The following GPC5 variants were observed in gnomAD, a reference collection of about 807,000 sequenced individuals.
GPC5 encodes glypican 5.
Under a neutral mutation model 53.9 loss-of-function variants are expected in GPC5, and 47 were observed. The observed-to-expected ratio is 0.87, with a 90% confidence interval of 0.69 to 1.11. The LOEUF (loss-of-function observed/expected upper bound fraction) is 1.11, where lower values mean the gene tolerates loss of function less well. GPC5 is among the 50% of genes most tolerant of loss of function. The pLI, the probability that GPC5 is intolerant of heterozygous loss-of-function variation, is 0.00. For synonymous variants in GPC5, 286 were observed against 263.3 expected (o/e 1.09, Z -0.84); for missense variants, 748 against 713.1 (o/e 1.05, Z -0.56).
intron 5 of GPC5, among the ~76,000 whole-genome samples, chr13:91,903,364 A>G (rs1178140487): frequency 2.0e-5 from 3 of 152,032 alleles, no homozygotes; most frequent in Non-Finnish European, 4.4e-5. Flanking sequence ...GCATTCATGT[A>G]TCTGTCTTTT....
At chr13:92,767,633 C>A (rs1876452643) in intron 7 of GPC5, among the ~76,000 whole-genome samples, 1 of 152,184 alleles carries the variant, frequency 6.6e-6, no homozygotes, top group African/African-American at 2.4e-5. Context: ...AACTTCACCT[C>A]CTGCAGTCTC....
intron 7 of GPC5, among the ~76,000 whole-genome samples, chr13:92,156,497 T>C (rs1177771346): frequency 6.6e-6 from 1 of 151,952 alleles, no homozygotes; most frequent in African/African-American, 2.4e-5. Flanking sequence ...AGTGTGTAGA[T>C]TGACCATTGG....
At chr13:92,646,929 C>CGTGTGTGT (rs372426651) in intron 7 of GPC5, among the ~76,000 whole-genome samples, 4,972 of 134,958 alleles carry the variant, frequency 0.037, 131 homozygotes, top group South Asian at 0.063. Flanking sequence ...TATATATAAA[C>CGTGTGTGT]ATGTGTGTGT....
intron 1 of GPC5, among the ~76,000 whole-genome samples, chr13:91,434,243 C>T (rs532417058): frequency 1.1e-3 from 168 of 152,192 alleles, no homozygotes; most frequent in African/African-American, 3.8e-3. Flanking sequence ...TTGTTGCCAA[C>T]GCTTTTGGTG....
chr13:92,515,393 T>C (rs1475343421), intron 7 of GPC5, among the ~76,000 whole-genome samples: 1 of 152,186 alleles, frequency 6.6e-6, no homozygotes, highest in Non-Finnish European at 1.5e-5. Flanking sequence ...TTAATGTGTT[T>C]CTTTCATCTA....
At chr13:91,721,984 G>A (rs1481954646) in intron 3 of GPC5, among the ~76,000 whole-genome samples, 1 of 152,160 alleles carries the variant, frequency 6.6e-6, no homozygotes, top group Non-Finnish European at 1.5e-5. Flanking sequence ...CTAGAGAGAA[G>A]GTTCCTTGCT....
intron 7 of GPC5, among the ~76,000 whole-genome samples, chr13:92,743,395 T>C (rs1386185991): frequency 1.3e-5 from 2 of 152,268 alleles, no homozygotes; most frequent in East Asian, 1.9e-4. Context: ...TTGTCTGTTA[T>C]TGGTGTATTA....
intron 2 of GPC5, among the ~76,000 whole-genome samples, chr13:91,642,912 A>G (rs769685972): frequency 6.6e-6 from 1 of 152,152 alleles, no homozygotes; most frequent in Non-Finnish European, 1.5e-5. Context: ...CTCAATTCTT[A>G]ATTTTCCAGA....
intron 5 of GPC5, among the ~76,000 whole-genome samples, chr13:91,770,206 G>C (rs771198866): frequency 6.6e-6 from 1 of 152,158 alleles, no homozygotes; most frequent in African/African-American, 2.4e-5. Context: ...AAGAAGGAAT[G>C]TGGAGCTTGC....
chr13:92,651,458 T>C (rs1319459422), intron 7 of GPC5, among the ~76,000 whole-genome samples: 1 of 152,134 alleles, frequency 6.6e-6, no homozygotes, highest in East Asian at 1.9e-4. Context: ...TTGAGGGGCA[T>C]TCTACAAAAT....
chr13:91,865,646 A>G (rs910607697), intron 5 of GPC5, among the ~76,000 whole-genome samples: 3 of 152,170 alleles, frequency 2.0e-5, no homozygotes, highest in African/African-American at 7.2e-5. Context: ...CCATGACCCC[A>G]TGGCAGAAAC....
intron 5 of GPC5, among the ~76,000 whole-genome samples, chr13:91,856,736 G>C (rs7990812): frequency 0.19 from 28,618 of 150,834 alleles, 3,006 homozygotes; most frequent in East Asian, 0.31. Flanking sequence ...GCAGCTTGCT[G>C]TTTTATTTTC....
intron 7 of GPC5, among the ~76,000 whole-genome samples, chr13:92,586,621 T>C (rs940289717): frequency 6.6e-6 from 1 of 152,210 alleles, no homozygotes; most frequent in Middle Eastern, 3.2e-3. Context: ...AGCTCAGCTT[T>C]ACTTAGTTAA....
rs112831013 is a variant in GPC5, at chr13:91,431,858, G to A, written c.164-16903G>A. ...GTCTGAGCTACATTTATCGTTGAAG[G>A]TTTCTTTCCATCTCACCTCTAACTT... On this transcript the variant is annotated intron_variant, in intron 1 of 7. Transcript: ENST00000377067. Among the ~76,000 whole-genome samples the A allele has an allele frequency of 6.6e-3, 1,000 of 152,290 alleles. 15 individuals carry two copies. The highest frequency in any genetic ancestry group is 0.023 in the African/African-American group (944 of 41,562).
intron 5 of GPC5, among the ~76,000 whole-genome samples, chr13:91,907,149 G>A (rs1236719774): frequency 1.3e-5 from 2 of 148,844 alleles, no homozygotes; most frequent in East Asian, 2.0e-4. Flanking sequence ...TAATAACATA[G>A]GTATAATTGT....
At chr13:91,735,542 T>C (rs2036796294) in intron 4 of GPC5, among the ~76,000 whole-genome samples, 1 of 151,546 alleles carries the variant, frequency 6.6e-6, no homozygotes, top group Non-Finnish European at 1.5e-5. Context: ...AAAATTCTCT[T>C]AGATATTTTG....
chr13:91,683,509 G>A (rs1235724706), intron 2 of GPC5, among the ~76,000 whole-genome samples: 1 of 152,098 alleles, frequency 6.6e-6, no homozygotes, highest in Non-Finnish European at 1.5e-5. Context: ...ATGCTCCCCT[G>A]GCAAATCCTC....
chr13:92,161,839 T>C (rs943462860), intron 7 of GPC5, among the ~76,000 whole-genome samples: 5 of 150,860 alleles, frequency 3.3e-5, no homozygotes, highest in African/African-American at 1.2e-4. Flanking sequence ...AGGTATTGCT[T>C]GGGGATAGTT....
chr13:92,139,319 C>T (rs1490224363), intron 6 of GPC5, among the ~76,000 whole-genome samples: 1 of 152,168 alleles, frequency 6.6e-6, no homozygotes, highest in Non-Finnish European at 1.5e-5. Flanking sequence ...TATGTAATCA[C>T]TTCTTAAGAA....
Sources: allele counts gnomAD v4.1 joint callset (sites outside exome capture counted in the v4.1 genomes callset), GRCh38; gene constraint gnomAD v4.1.1; transcripts MANE v1.5; gene names NCBI Gene and HGNC (gene_info 2026-07-23, HGNC 2026-07-21).